The following GRM5 variants were observed in gnomAD, a reference collection of about 807,000 sequenced individuals.
GRM5 encodes metabotropic glutamate receptor 5.
Under a neutral mutation model 83.1 loss-of-function variants are expected in GRM5, and 19 were observed. The ratio of observed to expected loss-of-function variants is 0.23; its 90% CI spans 0.16 to 0.34. GRM5 has a LOEUF of 0.34. Ranked by LOEUF, GRM5 falls within the 10% of genes least tolerant of loss-of-function variation. The pLI is 1.00. For missense variants in GRM5, 1,160 were observed against 1,588.3 expected, an observed-to-expected ratio of 0.73 and a Z score of 4.58; for synonymous variants, 675 against 633.6, an observed-to-expected ratio of 1.07 and a Z score of -0.98.
At chr11:88,953,628 C>A (rs923264129) in intron 2 of GRM5, among the ~76,000 whole-genome samples, 3 of 152,116 alleles carry the variant, frequency 2.0e-5, no homozygotes, top group Non-Finnish European at 4.4e-5. Context: ...CTCCATGGGG[C>A]GCTGTGGCCA....
chr11:88,845,570 A>G (rs1421389281), intron 3 of GRM5, among the ~76,000 whole-genome samples: 1 of 151,370 alleles, frequency 6.6e-6, no homozygotes, highest in African/African-American at 2.4e-5. Context: ...AGTAGCTGGG[A>G]CTACAGGCGC....
chr11:88,764,787 T>C (rs1020665560), intron 3 of GRM5, among the ~76,000 whole-genome samples: 1 of 151,282 alleles, frequency 6.6e-6, no homozygotes, highest in Non-Finnish European at 1.5e-5. Context: ...AACTTTAAGA[T>C]ACTAGAATAA....
chr11:88,507,895 C>T lies in GRM5; in HGVS notation c.*697G>A, dbSNP rs1941221191. 6.6e-6 allele frequency: 1 copy of T among 152,594 alleles called. No individual in the cohort carries two copies. Among genetic ancestry groups the T allele is most frequent in the South Asian group, 2.1e-4 (1 of 4,830 alleles). 9.5% of individuals were successfully genotyped at this position (152,594 alleles called of 1,614,324 possible). A position where few individuals can be genotyped will look rare whatever the true frequency, so the allele number is the denominator to read the frequency against. ...TGAATCTGAAATAAGTAGGTGGAATCCCCGATGCAGGCTTTTGGAAGAGTA... is the reference window on the plus strand; with the variant it reads ...TGAATCTGAAATAAGTAGGTGGAATTCCCGATGCAGGCTTTTGGAAGAGTA... On this transcript the variant is annotated 3_prime_UTR_variant, in exon 10 of 10. Coordinates refer to ENST00000305447, the MANE Select transcript of GRM5 (RefSeq NM_001143831.3).
At chr11:88,978,225 C>T (rs899251844) in intron 2 of GRM5, among the ~76,000 whole-genome samples, 1 of 151,470 alleles carries the variant, frequency 6.6e-6, no homozygotes, top group Non-Finnish European at 1.5e-5. Context: ...GTTAATTGTT[C>T]TGTCACAAAA....
chr11:89,006,890 C>T (rs1163888845), intron 2 of GRM5, among the ~76,000 whole-genome samples: 1 of 152,170 alleles, frequency 6.6e-6, no homozygotes, highest in Non-Finnish European at 1.5e-5. Context: ...CTCCGCCTCC[C>T]GGGTTCACGC....
At chr11:88,714,248 T>C (rs1016745652) in intron 3 of GRM5, among the ~76,000 whole-genome samples, 15 of 151,920 alleles carry the variant, frequency 9.9e-5, no homozygotes, top group Non-Finnish European at 2.2e-4. Context: ...ATACAGGCCA[T>C]GTACTGGGTT....
intron 8 of GRM5, among the ~76,000 whole-genome samples, chr11:88,531,530 T>C (rs1942007414): frequency 6.6e-6 from 1 of 152,182 alleles, no homozygotes. Context: ...CTCCATCCTG[T>C]ATGAGTGAGG....
At chr11:88,986,146 T>G (rs1939702060) in intron 2 of GRM5, among the ~76,000 whole-genome samples, 1 of 152,188 alleles carries the variant, frequency 6.6e-6, no homozygotes, top group Non-Finnish European at 1.5e-5. Flanking sequence ...ATCCATCTCA[T>G]GGAGTACTAT....
chr11:88,797,691 G>A (rs1202757731), intron 3 of GRM5, among the ~76,000 whole-genome samples: 1 of 151,822 alleles, frequency 6.6e-6, no homozygotes, highest in African/African-American at 2.4e-5. Context: ...TAAATTTGTT[G>A]GATTCTCTTA....
At chr11:88,941,398 GGAGAA>G (rs1227877861) in intron 2 of GRM5, among the ~76,000 whole-genome samples, 1 of 40,860 alleles carries the variant, frequency 2.4e-5, no homozygotes, top group Non-Finnish European at 8.2e-5. Flanking sequence ...AAAGAGAAGA[GGAGAA>G]GAGAAGAGGG....
At chr11:88,577,637 G>C (rs1943140253) in intron 7 of GRM5, among the ~76,000 whole-genome samples, 1 of 152,010 alleles carries the variant, frequency 6.6e-6, no homozygotes, top group African/African-American at 2.4e-5. Flanking sequence ...CATGCGATAG[G>C]GACCATTATT....
intron 3 of GRM5, among the ~76,000 whole-genome samples, chr11:88,829,103 A>C (rs1267832807): frequency 6.6e-6 from 1 of 152,192 alleles, no homozygotes; most frequent in African/African-American, 2.4e-5. Context: ...AGTATACGAA[A>C]ACTAAAAATA....
At chr11:88,557,319 A>T (rs910463882) in intron 8 of GRM5, among the ~76,000 whole-genome samples, 1 of 152,182 alleles carries the variant, frequency 6.6e-6, no homozygotes, top group African/African-American at 2.4e-5. Flanking sequence ...TGCATAAAGG[A>T]TGAAGCAAGC....
chr11:88,918,760 T>TG (rs1555041088), intron 2 of GRM5, among the ~76,000 whole-genome samples: 1 of 151,702 alleles, frequency 6.6e-6, no homozygotes, highest in Non-Finnish European at 1.5e-5. Flanking sequence ...AGTATGAAGT[T>TG]AAATGTAGAG....
intron 3 of GRM5, among the ~76,000 whole-genome samples, chr11:88,672,683 G>A (rs972590226): frequency 5.3e-5 from 8 of 151,738 alleles, no homozygotes; most frequent in Non-Finnish European, 1.0e-4. Flanking sequence ...TATGGTCCAG[G>A]AAACAAATGT....
chr11:88,958,550 T>C (rs1938693351), intron 2 of GRM5, among the ~76,000 whole-genome samples: 1 of 152,094 alleles, frequency 6.6e-6, no homozygotes, highest in Non-Finnish European at 1.5e-5. Context: ...ATATAAAATA[T>C]AACTAAAGAC....
At chr11:88,628,449 C>T (rs918442020) in intron 4 of GRM5, among the ~76,000 whole-genome samples, 1 of 152,184 alleles carries the variant, frequency 6.6e-6, no homozygotes, top group East Asian at 1.9e-4. Context: ...GGAAAGAAAT[C>T]ATGTGCCATT....
chr11:89,020,518 T>C (rs1940956898), intron 2 of GRM5, among the ~76,000 whole-genome samples: 1 of 152,172 alleles, frequency 6.6e-6, no homozygotes, highest in Admixed American at 6.5e-5. Flanking sequence ...ATTAAAACTA[T>C]AACACTGTTA....
chr11:88,621,014 G>C (rs1251266841), intron 4 of GRM5, among the ~76,000 whole-genome samples: 1 of 152,212 alleles, frequency 6.6e-6, no homozygotes, highest in Non-Finnish European at 1.5e-5. Context: ...TGAACAGCCA[G>C]TTGGCAGCCC....
Sources: gnomAD v4.1 joint callset for allele counts (sites outside exome capture counted in the v4.1 genomes callset) on GRCh38, gnomAD v4.1.1 for gene constraint, MANE v1.5 for transcripts, NCBI Gene and HGNC (gene_info 2026-07-23, HGNC 2026-07-21) for gene names.